The following CFAP54 variants were observed in gnomAD, a reference collection of about 807,000 sequenced individuals.
CFAP54 encodes cilia and flagella associated protein 54, also known as cilia- and flagella-associated protein 54.
CFAP54 carries 290 observed loss-of-function variants against 370.4 expected under a neutral mutation model. That is an observed-to-expected ratio of 0.78 (90% CI 0.71 to 0.86). CFAP54 has a LOEUF of 0.86. Ranked by LOEUF, CFAP54 falls within the 40% of genes least tolerant of loss-of-function variation. The pLI is 0.00. For synonymous variants in CFAP54, 1,206 were observed against 1,236.5 expected (o/e 0.98, Z 0.52); for missense variants, 3,399 against 3,528.7 (o/e 0.96, Z 0.93).
At chr12:96,775,773 C>T (rs915603214) in intron 60 of CFAP54, among the ~76,000 whole-genome samples, 3 of 152,060 alleles carry the variant, frequency 2.0e-5, no homozygotes, top group African/African-American at 7.2e-5. Flanking sequence ...ATAAAGGTCC[C>T]GCTTTTGTTT....
chr12:96,525,958 AC>A (rs1955376246), intron 8 of CFAP54, among the ~76,000 whole-genome samples: 2 of 152,344 alleles, frequency 1.3e-5, no homozygotes, highest in East Asian at 3.9e-4. Context: ...TGCTGGGATT[AC>A]AGGCGTGAGC....
At chr12:96,617,799 G>A (rs1956437224) in intron 26 of CFAP54, among the ~76,000 whole-genome samples, 1 of 152,040 alleles carries the variant, frequency 6.6e-6, no homozygotes, top group South Asian at 2.1e-4. Context: ...GACCATCCTG[G>A]CTAACACGGT....
intron 32 of CFAP54, among the ~76,000 whole-genome samples, chr12:96,640,780 C>T (rs1271691653): frequency 1.3e-5 from 2 of 152,174 alleles, no homozygotes; most frequent in Non-Finnish European, 2.9e-5. Flanking sequence ...CACATATCTA[C>T]AGCTATCTGA....
At chr12:96,550,658 C>T (rs935519420) in intron 15 of CFAP54, among the ~76,000 whole-genome samples, 12 of 152,170 alleles carry the variant, frequency 7.9e-5, no homozygotes, top group African/African-American at 2.9e-4. Flanking sequence ...TGAACATCCT[C>T]CTGGGAGAAA....
chr12:96,814,421 A>G (rs1466781294), intron 64 of CFAP54, among the ~76,000 whole-genome samples: 1 of 152,216 alleles, frequency 6.6e-6, no homozygotes, highest in Non-Finnish European at 1.5e-5. Context: ...TGAGTAGTCT[A>G]AGGTTTCATG....
intron 6 of CFAP54, among the ~76,000 whole-genome samples, chr12:96,520,911 T>C (rs929600342): frequency 6.6e-6 from 1 of 152,204 alleles, no homozygotes; most frequent in Non-Finnish European, 1.5e-5. Flanking sequence ...TTGATGCTGG[T>C]GGCACATAGG....
intron 66 of CFAP54, among the ~76,000 whole-genome samples, chr12:96,852,334 C>A (rs925891436): frequency 6.6e-6 from 1 of 152,066 alleles, no homozygotes. Flanking sequence ...GAAATGCTCT[C>A]TCTTCATCTA....
chr12:96,607,927 C>G (rs1211742102), intron 26 of CFAP54, among the ~76,000 whole-genome samples: 2 of 151,904 alleles, frequency 1.3e-5, no homozygotes, highest in African/African-American at 4.8e-5. Flanking sequence ...GCAAAATAAA[C>G]ATTTTCAGAA....
chr12:96,552,511 T>G (rs1955706695), intron 15 of CFAP54, among the ~76,000 whole-genome samples: 1 of 151,838 alleles, frequency 6.6e-6, no homozygotes, highest in Non-Finnish European at 1.5e-5. Flanking sequence ...GCCCGGCTAA[T>G]TTTTGTATTT....
At position 96,801,019 on chromosome 12, in the gene CFAP54, A is replaced by G. The variant is rs79869187; in HGVS notation, c.8850+8520A>G. On this transcript the variant is annotated intron_variant, in intron 63 of 67. Transcript: ENST00000524981. The stretch of plus-strand genomic sequence containing the variant: ...GTAATGAAAATTAATAACTGACTTG[A>G]AGCTTTGGAGTTTTCAGGGACAAAA... Among the ~76,000 whole-genome samples, 1,453 of 152,320 alleles carry G rather than the reference A, an allele frequency of 9.5e-3. 57 individuals carry two copies. The East Asian group carries it at 0.1, about 11-fold the overall frequency.
rs555319025 is a variant in CFAP54 at position 96,665,212 on chromosome 12, AT to A, written c.5563+1282del. ...CTTAAGTTCCTTATAGATGCTGGAT[AT>A]TAGACCTTTGTTGGATGCATAGTTT... is the stretch of plus-strand genomic sequence containing the variant. On this transcript the variant is annotated intron_variant, in intron 39 of 67. Coordinates refer to ENST00000524981, the MANE Select transcript of CFAP54 (RefSeq NM_001306084.2). 2.2e-3 allele frequency among the ~76,000 whole-genome samples: 335 copies of A among 151,828 alleles called. 1 individual carries two copies. The highest frequency in any genetic ancestry group is 7.7e-3 in the African/African-American group (317 of 41,356).
Position 96,626,832 on chromosome 12 carries a change from A to G in CFAP54, c.3996A>G (p.Lys1332=). The G allele has an allele frequency of 7.2e-7, 1 of 1,396,018 alleles. No individual in the cohort carries two copies. Among genetic ancestry groups the G allele is most frequent in the Admixed American group, 2.5e-5 (1 of 40,538 alleles). 86.5% of individuals were successfully genotyped at this position (1,396,018 alleles called of 1,614,324 possible). The change falls in exon 30 of 68, where the codon AAA becomes AAG. Residue 1332 remains lysine (K), a synonymous_variant. Coordinates refer to ENST00000524981, the MANE Select transcript of CFAP54 (RefSeq NM_001306084.2). ...TTACAGTTATGAAATTTAAGCAAAAACCAAGATTTCTGGAATTCTTTACAC... is the reference window on the plus strand; with the variant it reads ...TTACAGTTATGAAATTTAAGCAAAAGCCAAGATTTCTGGAATTCTTTACAC... ...AVKEVMKFKQ[K]PRFLEFFTQV... is the part of the protein sequence containing the mutation.
chr12:96,645,638 C>T (rs897139187), intron 33 of CFAP54: 2 of 153,500 alleles, frequency 1.3e-5, no homozygotes, highest in African/African-American at 4.8e-5. Flanking sequence ...GCCTGCATCG[C>T]CAAGTCAATC....
At chr12:96,773,423 T>C (rs1958483227) in intron 60 of CFAP54, among the ~76,000 whole-genome samples, 1 of 152,250 alleles carries the variant, frequency 6.6e-6, no homozygotes, top group African/African-American at 2.4e-5. Context: ...ACTGAATTTA[T>C]AATACCTAAA....
chr12:96,813,152 AC>A (rs1958943442), intron 64 of CFAP54, among the ~76,000 whole-genome samples: 1 of 152,194 alleles, frequency 6.6e-6, no homozygotes, highest in African/African-American at 2.4e-5. Flanking sequence ...AAGTCATCAA[AC>A]TGATAAGCTT....
rs777981800 is a variant in CFAP54, at chr12:96,522,095, T to C, written c.1064T>C (p.Val355Ala). ...YFREATMKMA[V>A]MIFKRGVFES... ...TTCTGCTTTTTGAGGCAGATGGCAG[T>C]GATGATCTTCAAAAGAGGAGTCTTT... The change falls in exon 8 of 68, where the codon GTG becomes GCG. Residue 355 changes from valine (V) to alanine (A), a missense_variant. Val to Ala is a moderately conservative substitution (Grantham distance 64, BLOSUM62 0). Transcript: ENST00000524981. 9.1e-6 allele frequency: 14 copies of C among 1,535,190 alleles called. No individual in the cohort carries two copies. In the African/African-American group the frequency reaches 1.8e-4, roughly 20 times the overall value.
At chr12:96,719,795 C>T (rs1238318059) in intron 49 of CFAP54, among the ~76,000 whole-genome samples, 2 of 152,102 alleles carry the variant, frequency 1.3e-5, no homozygotes, top group East Asian at 3.9e-4. Context: ...GAATTTTTGT[C>T]AATATTTACA....
intron 33 of CFAP54, 148 bp downstream of exon 33, chr12:96,644,556 A>ACG: frequency 3.4e-6 from 2 of 592,874 alleles, no homozygotes; most frequent in Admixed American, 6.0e-5. Flanking sequence ...CTGTTCTCAC[A>ACG]CTGCTATAAA....
intron 1 of CFAP54, among the ~76,000 whole-genome samples, chr12:96,491,621 C>A (rs1954886319): frequency 6.6e-6 from 1 of 152,088 alleles, no homozygotes; most frequent in South Asian, 2.1e-4. Flanking sequence ...CATTAAGTGC[C>A]TGGTGTACTA....
Sources: allele counts gnomAD v4.1 joint callset (sites outside exome capture counted in the v4.1 genomes callset), GRCh38; gene constraint gnomAD v4.1.1; transcripts MANE v1.5; gene names NCBI Gene and HGNC (gene_info 2026-07-23, HGNC 2026-07-21).